ANKS1B: variants seen among roughly 807,000 people sequenced by gnomAD.
The protein encoded by ANKS1B is ankyrin repeat and sterile alpha motif domain-containing protein 1B.
A neutral mutation model predicts 148.3 loss-of-function variants in ANKS1B; 36 were observed. The ratio of observed to expected loss-of-function variants is 0.24; its 90% confidence interval spans 0.19 to 0.32. ANKS1B has a LOEUF of 0.32. Ranked by LOEUF, ANKS1B falls within the 10% of genes least tolerant of loss-of-function variation. The pLI is 1.00. For missense variants in ANKS1B, 1,157 were observed against 1,542.6 expected, an observed-to-expected ratio of 0.75 and a Z score of 4.19; for synonymous variants, 542 against 560.8, an observed-to-expected ratio of 0.97 and a Z score of 0.47.
intron 14 of ANKS1B, among the ~76,000 whole-genome samples, chr12:99,214,618 C>T (rs901362788): frequency 3.3e-5 from 5 of 152,148 alleles, no homozygotes; most frequent in African/African-American, 1.2e-4. Flanking sequence ...CATGAAACCT[C>T]TTTTGCTTTA....
At chr12:99,912,615 G>A (rs1603451447) in intron 1 of ANKS1B, among the ~76,000 whole-genome samples, 1 of 152,252 alleles carries the variant, frequency 6.6e-6, no homozygotes, top group Non-Finnish European at 1.5e-5. Flanking sequence ...GCCTCCCAAA[G>A]TACTGGGATT....
intron 16 of ANKS1B, among the ~76,000 whole-genome samples, chr12:99,053,882 A>C (rs1484918143): frequency 2.0e-5 from 3 of 152,234 alleles, no homozygotes; most frequent in Non-Finnish European, 4.4e-5. Context: ...CATCGACTCT[A>C]CAGTATGTTA....
chr12:99,535,162 C>A (rs2097053092), intron 9 of ANKS1B, among the ~76,000 whole-genome samples: 1 of 152,196 alleles, frequency 6.6e-6, no homozygotes, highest in Non-Finnish European at 1.5e-5. Flanking sequence ...TGAAGGAATT[C>A]TTTAAGAAGA....
chr12:99,758,774 T>C (rs1056323336), intron 8 of ANKS1B, among the ~76,000 whole-genome samples: 2 of 151,878 alleles, frequency 1.3e-5, no homozygotes, highest in Non-Finnish European at 2.9e-5. Context: ...ATTAGTGTAA[T>C]TCTTTAATGC....
chr12:99,491,712 A>C (rs1418506553), intron 10 of ANKS1B, among the ~76,000 whole-genome samples: 3 of 152,136 alleles, frequency 2.0e-5, no homozygotes, highest in Non-Finnish European at 2.9e-5. Context: ...TTCCTGTGTT[A>C]GTTTGCTAAG....
At chr12:99,064,619 C>T (rs1325010371) in intron 16 of ANKS1B, among the ~76,000 whole-genome samples, 1 of 152,178 alleles carries the variant, frequency 6.6e-6, no homozygotes, top group Non-Finnish European at 1.5e-5. Context: ...TATTTCAAGC[C>T]GTGTGTGAGA....
intron 1 of ANKS1B, among the ~76,000 whole-genome samples, chr12:99,883,715 A>C (rs1161125253): frequency 6.6e-6 from 1 of 152,182 alleles, no homozygotes; most frequent in Non-Finnish European, 1.5e-5. Flanking sequence ...CAGGAGTTCA[A>C]GACCAGCCTG....
At chr12:99,284,535 T>C (rs1197635919) in intron 12 of ANKS1B, among the ~76,000 whole-genome samples, 1 of 152,218 alleles carries the variant, frequency 6.6e-6, no homozygotes, top group African/African-American at 2.4e-5. Flanking sequence ...AAAGATTTTA[T>C]TTTCCTGTAT....
Position 99,021,274 on chromosome 12 carries a change from A to G in ANKS1B, c.2778+31883T>C, listed in dbSNP as rs372460227. ...TGGGAGAGTTTTTTTTCTTAAAAAT[A>G]TAGTATCAATATAATTTTAGCAAAT... is the stretch of plus-strand genomic sequence containing the variant. On this transcript the variant is annotated intron_variant, in intron 17 of 26. Coordinates refer to ENST00000683438, the MANE Select transcript of ANKS1B (RefSeq NM_001352186.2). Among the ~76,000 whole-genome samples, 32 of 152,226 alleles carry G rather than the reference A, an allele frequency of 2.1e-4. No individual in the cohort carries two copies. In the South Asian group the frequency reaches 2.3e-3, roughly 11 times the overall value.
chr12:99,662,634 C>T (rs1335937281), intron 8 of ANKS1B, among the ~76,000 whole-genome samples: 1 of 152,188 alleles, frequency 6.6e-6, no homozygotes, highest in Non-Finnish European at 1.5e-5. Flanking sequence ...TTTGCTCCCA[C>T]TGTCTTCCTT....
chr12:99,154,917 A>AT (rs1202966260), intron 14 of ANKS1B: 81 of 1,534,958 alleles, frequency 5.3e-5, no homozygotes, highest in South Asian at 2.1e-4. Flanking sequence ...GATAAGGCAG[A>AT]TTTTTTTTGT....
chr12:99,134,628 G>GTCTCTCTCTC (rs773301655), intron 15 of ANKS1B, among the ~76,000 whole-genome samples: 8 of 112,382 alleles, frequency 7.1e-5, no homozygotes, highest in African/African-American at 3.1e-4. Context: ...ATCCCTTTCT[G>GTCTCTCTCTC]TCTCTCTCTC....
intron 12 of ANKS1B, among the ~76,000 whole-genome samples, chr12:99,334,185 G>GATACATAGATAC (rs1386599061): frequency 5.3e-5 from 8 of 150,256 alleles, no homozygotes; most frequent in Non-Finnish European, 1.2e-4. Flanking sequence ...CAGACAGATA[G>GATACATAGATAC]ATAGATACAT....
chr12:98,820,436 A>G (rs2099176228), intron 19 of ANKS1B, among the ~76,000 whole-genome samples: 2 of 152,320 alleles, frequency 1.3e-5, no homozygotes, highest in Non-Finnish European at 2.9e-5. Flanking sequence ...AAAAAACTGG[A>G]GACCATCTCA....
chr12:98,991,464 A>C (rs75240349), intron 17 of ANKS1B, among the ~76,000 whole-genome samples: 5,407 of 152,286 alleles, frequency 0.036, 346 homozygotes, highest in African/African-American at 0.12. Context: ...AGTATGCAAT[A>C]TGTGTTAGTA....
At chr12:99,621,003 T>C (rs1247717946) in intron 9 of ANKS1B, among the ~76,000 whole-genome samples, 2 of 151,756 alleles carry the variant, frequency 1.3e-5, no homozygotes, top group Non-Finnish European at 2.9e-5. Context: ...TAAAGGCAAA[T>C]AGTCAGATCA....
At chr12:99,540,766 GCAGAA>G (rs1234609192) in intron 9 of ANKS1B, among the ~76,000 whole-genome samples, 1 of 151,318 alleles carries the variant, frequency 6.6e-6, no homozygotes, top group East Asian at 1.9e-4. Flanking sequence ...TTGAAAGCAA[GCAGAA>G]AAGAGGAAAT....
At chr12:99,034,652 T>G (rs2099954397) in intron 17 of ANKS1B, among the ~76,000 whole-genome samples, 1 of 152,176 alleles carries the variant, frequency 6.6e-6, no homozygotes, top group African/African-American at 2.4e-5. Flanking sequence ...GTCTTATACA[T>G]GTGAAGTCTT....
At chr12:99,528,122 A>G (rs997429984) in intron 9 of ANKS1B, among the ~76,000 whole-genome samples, 2 of 152,232 alleles carry the variant, frequency 1.3e-5, no homozygotes, top group Admixed American at 6.5e-5. Flanking sequence ...AGCAACGGGA[A>G]AAGTACTCCC....
Sources: gnomAD v4.1 joint callset for allele counts (sites outside exome capture counted in the v4.1 genomes callset) on GRCh38, gnomAD v4.1.1 for gene constraint, MANE v1.5 for transcripts, NCBI Gene and HGNC (gene_info 2026-07-23, HGNC 2026-07-21) for gene names.